The following CCDC66 variants were observed in gnomAD, a reference collection of about 807,000 sequenced individuals.
The protein encoded by CCDC66 is coiled-coil domain containing 66, also known as coiled-coil domain-containing protein 66.
CCDC66 carries 133 observed loss-of-function variants against 128.3 expected under a neutral mutation model. The ratio of observed to expected loss-of-function variants is 1.04; its 90% CI spans 0.90 to 1.20. CCDC66 has a LOEUF of 1.20. Ranked by LOEUF, CCDC66 falls within the 50% of genes most tolerant of loss-of-function variation. The pLI is 0.00. For missense variants in CCDC66, 1,126 were observed against 1,075.5 expected (o/e 1.05, Z -0.66); for synonymous variants, 387 against 357.0 (o/e 1.08, Z -0.95).
chr3:56,565,706 G>C (rs1006620768), intron 4 of CCDC66, among the ~76,000 whole-genome samples: 1 of 149,370 alleles, frequency 6.7e-6, no homozygotes, highest in Non-Finnish European at 1.5e-5. Context: ...TCGCTGCATC[G>C]CCCAGGCTGG....
chr3:56,611,578 G>GC (rs1244031328), intron 10 of CCDC66, among the ~76,000 whole-genome samples: 1 of 104,176 alleles, frequency 9.6e-6, no homozygotes, highest in African/African-American at 3.9e-5. Context: ...CACCCCCCAC[G>GC]CCCAGTTCTG....
At chr3:56,610,694 G>A (rs1032903875) in intron 10 of CCDC66, among the ~76,000 whole-genome samples, 2 of 152,140 alleles carry the variant, frequency 1.3e-5, no homozygotes, top group East Asian at 1.9e-4. Flanking sequence ...TCTTATTTGG[G>A]TAGGCTCTGT....
intron 10 of CCDC66, among the ~76,000 whole-genome samples, chr3:56,598,491 T>A (rs2072543155): frequency 1.3e-5 from 2 of 152,022 alleles, no homozygotes; most frequent in Non-Finnish European, 2.9e-5. Context: ...TTGTTTTGTT[T>A]TAGCTCTTAG....
At position 56,559,587 on chromosome 3, in the gene CCDC66, C is replaced by T. The variant is rs995284763; in HGVS notation, c.95C>T (p.Ser32Phe). ...TTTGTAGAACATAAATCAAAAATTTCTGTGAAGGTAAGCCGTATAACTTTG... is the reference window on the plus strand; with the variant it reads ...TTTGTAGAACATAAATCAAAAATTTTTGTGAAGGTAAGCCGTATAACTTTG... ...LSPYEHKSKI[S>F]VKMGNKAKIA... is the part of the protein sequence containing the mutation. The change falls in exon 3 of 18, where the codon TCT (serine) becomes TTT (phenylalanine). Residue 32 changes from serine (S) to phenylalanine (F), a missense_variant. Transcript: ENST00000394672. 1.3e-6 allele frequency: 2 copies of T among 1,535,814 alleles called. No individual in the cohort carries two copies. The highest frequency in any genetic ancestry group is 2.1e-5 in the Admixed American group (1 of 48,296).
At chr3:56,615,787 G>A (rs1206713411) in intron 12 of CCDC66, 135 bp from the exon 13 acceptor site, 1 of 599,830 alleles carries the variant, frequency 1.7e-6, no homozygotes, top group Non-Finnish European at 2.6e-6. Context: ...AGGAATGTGG[G>A]TACTTTTTGT....
chr3:56,559,904 C>G (rs2064879843), intron 3 of CCDC66, among the ~76,000 whole-genome samples: 1 of 152,104 alleles, frequency 6.6e-6, no homozygotes, highest in Non-Finnish European at 1.5e-5. Flanking sequence ...TTATTGAACC[C>G]TTAAAATGTA....
At chr3:56,558,092 G>A (rs1665343206) in intron 1 of CCDC66, 1 of 152,248 alleles carries the variant, frequency 6.6e-6, no homozygotes, top group South Asian at 2.1e-4. Flanking sequence ...GTTAAGGTGA[G>A]GTAATTTGAT....
rs538228538 is a variant in CCDC66 at position 56,582,416 on chromosome 3, C to T, written c.937-10554C>T. Among the ~76,000 whole-genome samples, 128 of 151,950 alleles carry T rather than the reference C, an allele frequency of 8.4e-4. 4 individuals carry two copies. Among genetic ancestry groups the T allele is most frequent in the Middle Eastern group, 6.8e-3 (2 of 294 alleles). On this transcript the variant is annotated intron_variant, in intron 7 of 17. Transcript: ENST00000394672. ...GGGCTGCACCCACTGTCTGACAATC[C>T]CCAGTGAGATGAACCTGGTACCTCA...
chr3:56,565,932 C>T (rs990670895), intron 4 of CCDC66, among the ~76,000 whole-genome samples: 1 of 152,194 alleles, frequency 6.6e-6, no homozygotes, highest in African/African-American at 2.4e-5. Context: ...TCCCAAAGTG[C>T]TGGGATTACA....
In CCDC66 at chr3:56,610,774, T is replaced by TA. The variant is rs528316094; in HGVS notation, c.1405-2814dup. The stretch of plus-strand genomic sequence containing the variant: ...GTCCCACAGGGTGTTCCCTATGTAT[T>TA]ACGCTTCCCCCTTTTCCTGTGGATG... On this transcript the variant is annotated intron_variant, in intron 10 of 17. Coordinates refer to ENST00000394672, the MANE Select transcript of CCDC66 (RefSeq NM_001141947.3). 4.6e-5 allele frequency among the ~76,000 whole-genome samples: 7 copies of TA among 152,204 alleles called. No homozygotes were observed. In the South Asian group the frequency reaches 1.4e-3, roughly 32 times the overall value.
At chr3:56,563,517 T>A in intron 3 of CCDC66, 167 bp from the exon 4 acceptor site, 1 of 565,514 alleles carries the variant, frequency 1.8e-6, no homozygotes, top group Non-Finnish European at 3.1e-6. Flanking sequence ...TAATTTCTAG[T>A]TGTTGATGAA....
chr3:56,563,316 G>A (rs1044454130), intron 3 of CCDC66, among the ~76,000 whole-genome samples: 19 of 151,654 alleles, frequency 1.3e-4, no homozygotes, highest in African/African-American at 3.2e-4. Flanking sequence ...AGCTGAGATC[G>A]TGCTGTTGCA....
intron 7 of CCDC66, among the ~76,000 whole-genome samples, chr3:56,588,233 A>G (rs1284231271): frequency 6.6e-6 from 1 of 152,198 alleles, no homozygotes; most frequent in Admixed American, 6.5e-5. Flanking sequence ...GTTCTCACTC[A>G]TAAGTGGGAG....
At chr3:56,570,738 CT>C (rs1323989878) in intron 6 of CCDC66, 1 of 12,596 alleles carries the variant, frequency 7.9e-5, no homozygotes, top group East Asian at 8.7e-4. Context: ...CAGAATGAGA[CT>C]CTATATTAAA....
intron 11 of CCDC66, 128 bp from the exon 12 acceptor site, chr3:56,615,000 T>C (rs2107357422): frequency 6.4e-6 from 5 of 786,870 alleles, no homozygotes; most frequent in Non-Finnish European, 9.7e-6. Flanking sequence ...CCTTGTTGAC[T>C]GTTGTACCCT....
At chr3:56,606,625 G>T (rs56356916) in intron 10 of CCDC66, among the ~76,000 whole-genome samples, 7,615 of 152,036 alleles carry the variant, frequency 0.05, 484 homozygotes, top group East Asian at 0.31. Context: ...TGTCCAACCA[G>T]TCCCAATGAG....
chr3:56,582,712 G>C (rs988416938), intron 7 of CCDC66, among the ~76,000 whole-genome samples: 2 of 151,372 alleles, frequency 1.3e-5, no homozygotes, highest in African/African-American at 4.8e-5. Flanking sequence ...GTTTGATGTG[G>C]ATCCTTCTGG....
At chr3:56,558,734 C>T in intron 1 of CCDC66, 112 bp from the exon 2 acceptor site, 1 of 802,696 alleles carries the variant, frequency 1.2e-6, no homozygotes, top group Non-Finnish European at 2.1e-6. Flanking sequence ...TACAAGATTC[C>T]TGCATAAATT....
At chr3:56,582,101 AG>A (rs1321651511) in intron 7 of CCDC66, among the ~76,000 whole-genome samples, 1 of 151,846 alleles carries the variant, frequency 6.6e-6, no homozygotes, top group Admixed American at 6.6e-5. Context: ...TACCTACTCA[AG>A]CCTCAGCAAT....
Sources: gnomAD v4.1 joint callset for allele counts (sites outside exome capture counted in the v4.1 genomes callset) on GRCh38, gnomAD v4.1.1 for gene constraint, MANE v1.5 for transcripts, NCBI Gene and HGNC (gene_info 2026-07-23, HGNC 2026-07-21) for gene names.